Variants in SORCS1 observed in about 807,000 individuals in gnomAD.
SORCS1 encodes sortilin related VPS10 domain containing receptor 1.
A neutral mutation model predicts 146.1 loss-of-function variants in SORCS1; 60 were observed. That is an observed-to-expected ratio of 0.41 (90% CI 0.33 to 0.51). The LOEUF is 0.51. SORCS1 is among the 20% of genes least tolerant of loss of function. The probability of loss-of-function intolerance (pLI) is 0.21; values close to 1 mark genes in which losing one functional copy is unlikely to be tolerated. For missense variants in SORCS1, 1,352 were observed against 1,487.6 expected, an observed-to-expected ratio of 0.91 and a Z score of 1.50; for synonymous variants, 637 against 584.0, an observed-to-expected ratio of 1.09 and a Z score of -1.31.
At chr10:107,169,221 T>C (rs889016769), upstream of SORCS1, among the ~76,000 whole-genome samples, 7 of 152,176 alleles carry the variant, frequency 4.6e-5, no homozygotes, top group Admixed American at 1.3e-4. Flanking sequence ...TTAATAGTTC[T>C]CAAAATATTT....
At chr10:107,108,025 G>T (rs969255143) in intron 1 of SORCS1, among the ~76,000 whole-genome samples, 6 of 152,274 alleles carry the variant, frequency 3.9e-5, no homozygotes, top group East Asian at 3.9e-4. Context: ...AGAAATGCCT[G>T]CCTGAGTCCC....
intron 3 of SORCS1, among the ~76,000 whole-genome samples, chr10:106,824,396 C>A (rs969957369): frequency 6.6e-6 from 1 of 151,728 alleles, no homozygotes; most frequent in East Asian, 1.9e-4. Flanking sequence ...TCAAGACCAG[C>A]CTGGCCAAGA....
At chr10:107,036,328 A>C (rs1339103731) in intron 1 of SORCS1, among the ~76,000 whole-genome samples, 1 of 152,212 alleles carries the variant, frequency 6.6e-6, no homozygotes, top group Non-Finnish European at 1.5e-5. Flanking sequence ...CAAATAGTAC[A>C]CCATTTACAT....
rs1564857279 is a variant in SORCS1, at chr10:106,960,692, C to T, written c.559-4112G>A. On this transcript the variant is annotated intron_variant, in intron 1 of 25. Transcript: ENST00000263054. This position sits in a 1 kb window ranked among gnomAD's most constrained non-coding sequence, Gnocchi z 4.4. ...CTGGGATTACAGGCGTGAGCCACTGCGCCCAGCCAGTCCATACTTAGAGAG... is the reference window on the plus strand; with the variant it reads ...CTGGGATTACAGGCGTGAGCCACTGTGCCCAGCCAGTCCATACTTAGAGAG... Among the ~76,000 whole-genome samples the T allele has an allele frequency of 2.0e-5, 3 of 152,162 alleles. No individual in the cohort carries two copies. The highest frequency in any genetic ancestry group is 2.0e-4 in the Admixed American group (3 of 15,274).
rs184892959 is a variant in SORCS1 at position 106,729,583 on chromosome 10, A to G, written c.1024+467T>C. 4.8e-3 allele frequency among the ~76,000 whole-genome samples: 736 copies of G among 152,256 alleles called. 5 individuals carry two copies. Among genetic ancestry groups the G allele is most frequent in the African/African-American group, 0.017 (700 of 41,540 alleles). The stretch of plus-strand genomic sequence containing the variant: ...AAGAGTAGCAGCAGCAACAACAATG[A>G]AACACTTTAGGAATCAAGAGTTTGG... On this transcript the variant is annotated intron_variant, in intron 6 of 25. Transcript: ENST00000263054.
chr10:106,621,729 GAA>G (rs1414215493), intron 19 of SORCS1, among the ~76,000 whole-genome samples: 1 of 151,920 alleles, frequency 6.6e-6, no homozygotes, highest in Non-Finnish European at 1.5e-5. Context: ...TCCAGAAACA[GAA>G]AGTCAATTTC....
chr10:107,003,148 G>C (rs1436519599), intron 1 of SORCS1, among the ~76,000 whole-genome samples: 1 of 152,006 alleles, frequency 6.6e-6, no homozygotes, highest in East Asian at 1.9e-4. Flanking sequence ...CCCGCTACTT[G>C]GGAGGCTGTG....
intron 1 of SORCS1, among the ~76,000 whole-genome samples, chr10:107,063,537 AC>A (rs1961442059): frequency 6.6e-6 from 1 of 152,184 alleles, no homozygotes; most frequent in Non-Finnish European, 1.5e-5. Context: ...AGGATGTCTG[AC>A]ACTAGAAGAT....
At chr10:106,882,306 A>G (rs1166435013) in intron 2 of SORCS1, among the ~76,000 whole-genome samples, 1 of 152,232 alleles carries the variant, frequency 6.6e-6, no homozygotes, top group East Asian at 1.9e-4. Context: ...AAAGTCTCAT[A>G]ATGTTTTAAG....
chr10:106,846,075 T>G (rs1949306511), intron 2 of SORCS1, among the ~76,000 whole-genome samples: 1 of 103,936 alleles, frequency 9.6e-6, no homozygotes, highest in South Asian at 4.3e-4. Flanking sequence ...GGCTCTTTTT[T>G]GGTTCCATAT....
At chr10:107,041,863 A>T (rs867924591) in intron 1 of SORCS1, among the ~76,000 whole-genome samples, 2 of 151,384 alleles carry the variant, frequency 1.3e-5, no homozygotes, top group South Asian at 4.2e-4. Context: ...CCAAATGAGA[A>T]TAATAATATG....
At chr10:106,869,410 A>T (rs767502279) in intron 2 of SORCS1, among the ~76,000 whole-genome samples, 2 of 152,204 alleles carry the variant, frequency 1.3e-5, no homozygotes, top group African/African-American at 2.4e-5. Flanking sequence ...TTTTAGGCCA[A>T]TATCTTCGAT....
At chr10:106,645,377 G>C (rs1454170693) in intron 18 of SORCS1, among the ~76,000 whole-genome samples, 3 of 152,080 alleles carry the variant, frequency 2.0e-5, no homozygotes, top group African/African-American at 7.2e-5. Flanking sequence ...ATTTTTAGTA[G>C]AGATGGGGTT....
intron 1 of SORCS1, among the ~76,000 whole-genome samples, chr10:107,019,854 G>C (rs1958057130): frequency 6.6e-6 from 1 of 152,360 alleles, no homozygotes; most frequent in Admixed American, 6.5e-5. Flanking sequence ...AGCTACTGCA[G>C]AGAAGTCTGT....
At chr10:107,106,937 C>T (rs936433493) in intron 1 of SORCS1, among the ~76,000 whole-genome samples, 2 of 152,172 alleles carry the variant, frequency 1.3e-5, no homozygotes, top group Non-Finnish European at 2.9e-5. Flanking sequence ...TCACCAGATA[C>T]CTAATCTACT....
At chr10:106,708,547 T>G (rs1854707382) in intron 7 of SORCS1, among the ~76,000 whole-genome samples, 1 of 152,224 alleles carries the variant, frequency 6.6e-6, no homozygotes, top group African/African-American at 2.4e-5. Flanking sequence ...TTTCCTTGAA[T>G]GCTGAAAAGC....
chr10:107,174,888 G>T, the SORCS1 span, among the ~76,000 whole-genome samples: 2 of 152,248 alleles, frequency 1.3e-5, no homozygotes, highest in African/African-American at 4.8e-5. Flanking sequence ...TTATTTCACT[G>T]TGAAGTATGC....
At chr10:106,799,499 T>G (rs1047813583) in intron 3 of SORCS1, among the ~76,000 whole-genome samples, 1 of 152,046 alleles carries the variant, frequency 6.6e-6, no homozygotes, top group Non-Finnish European at 1.5e-5. Flanking sequence ...AGGGCTAATA[T>G]CCAGAATCTA....
rs1369185890 is a variant in SORCS1, at chr10:106,625,238, G to GTT, written c.2662+3963_2662+3964insAA. ...TGTGTGTGTGTGTGTGTGTGTGTGT[G>GTT]TGTGTGTGTACACTGGCTGCTCTGG... On this transcript the variant is annotated intron_variant, in intron 19 of 25. Transcript: ENST00000263054. 3.5e-5 allele frequency among the ~76,000 whole-genome samples: 5 copies of GTT among 143,710 alleles called. No homozygotes were observed. In the East Asian group the frequency reaches 1.1e-3, roughly 32 times the overall value. The allele number at this position is 143,710 out of a possible 152,430, so 94.3% of individuals were successfully genotyped here.
Sources: gnomAD v4.1 joint callset for allele counts (sites outside exome capture counted in the v4.1 genomes callset) on GRCh38, gnomAD v4.1.1 for gene constraint, Gnocchi (gnomAD v3.1) non-coding constraint, MANE v1.5 for transcripts, NCBI Gene and HGNC (gene_info 2026-07-23, HGNC 2026-07-21) for gene names.